The following CDA variants were observed in gnomAD, a reference collection of about 807,000 sequenced individuals.
The protein encoded by CDA is cytidine deaminase, also known as cytidine aminohydrolase.
Under a neutral mutation model 15.0 loss-of-function variants are expected in CDA, and 7 were observed. That is an observed-to-expected ratio of 0.47 (90% CI 0.26 to 0.87). CDA has a LOEUF of 0.87. Among genes scored for constraint, CDA ranks in the 40% least tolerant of loss-of-function variants. CDA has a pLI of 0.15. For missense variants in CDA, 159 were observed against 182.7 expected (o/e 0.87, Z 0.75); for synonymous variants, 58 against 73.0 (o/e 0.79, Z 1.05).
At chr1:20,614,768 T>C (rs1287627420) in intron 3 of CDA, among the ~76,000 whole-genome samples, 6 of 152,134 alleles carry the variant, frequency 3.9e-5, no homozygotes, top group Non-Finnish European at 7.4e-5. Flanking sequence ...AGCAATGGGA[T>C]TGAAGTCAGA....
At chr1:20,599,642 T>TAAAATAAAATAAAATAAAATAAAAC (rs1557547107) in intron 1 of CDA, among the ~76,000 whole-genome samples, 1 of 149,734 alleles carries the variant, frequency 6.7e-6, no homozygotes, top group Non-Finnish European at 1.5e-5. Context: ...TAAAATAAAA[T>TAAAATAAAATAAAATAAAATAAAAC]AAAATAAAAC....
intron 3 of CDA, 27 bp from the exon 4 acceptor site, chr1:20,618,425 C>A (rs1398967915): frequency 2.1e-6 from 3 of 1,403,806 alleles, no homozygotes. Flanking sequence ...CGCTGTGTCT[C>A]TCACGCCAGC....
intron 1 of CDA, among the ~76,000 whole-genome samples, chr1:20,594,704 G>A (rs1432253135): frequency 6.6e-6 from 1 of 150,722 alleles, no homozygotes; most frequent in Admixed American, 6.6e-5. Context: ...CAGGAGAATC[G>A]CTTGAACCTG....
intron 1 of CDA, among the ~76,000 whole-genome samples, chr1:20,602,070 AT>A (rs2052648928): frequency 6.8e-6 from 1 of 146,758 alleles, no homozygotes; most frequent in South Asian, 2.3e-4. Context: ...ACAGTGAGCT[AT>A]GATCATGCCA....
chr1:20,593,228 G>A (rs776593744), intron 1 of CDA, among the ~76,000 whole-genome samples: 26 of 152,230 alleles, frequency 1.7e-4, no homozygotes, highest in Non-Finnish European at 3.1e-4. Context: ...GTGTGCTGGG[G>A]ACGTGCTGGG....
chr1:20,602,511 C>G lies in CDA; in HGVS notation c.155-2417C>G, dbSNP rs558345233. Among the ~76,000 whole-genome samples the G allele has an allele frequency of 8.5e-5, 13 of 152,174 alleles. No individual in the cohort carries two copies. The East Asian group carries it at 2.1e-3, about 25-fold the overall frequency. ...TGATCTCGGCTCACTGCAACCTCTGCCTCCCAGGTTCAAGCAATTCTTCTG... is the reference window on the plus strand; with the variant it reads ...TGATCTCGGCTCACTGCAACCTCTGGCTCCCAGGTTCAAGCAATTCTTCTG... On this transcript the variant is annotated intron_variant, in intron 1 of 3. Coordinates refer to ENST00000375071, the MANE Select transcript of CDA (RefSeq NM_001785.3).
intron 3 of CDA, 57 bp from the exon 4 acceptor site, chr1:20,618,395 C>T (rs894504512): frequency 1.9e-5 from 18 of 933,028 alleles, no homozygotes; most frequent in Non-Finnish European, 3.1e-5. Context: ...AGACCCAGTC[C>T]GTCTCAGCCC....
In CDA at chr1:20,618,677, G is replaced by A; in HGVS notation, c.*109G>A. ...TGGGCCCCAGCCCTACAGGGACTGG[G>A]CAAAGATGATGTTTCCAGATTACAC... On this transcript the variant is annotated 3_prime_UTR_variant, in exon 4 of 4. Transcript: ENST00000375071. 2 of 769,706 alleles carry A rather than the reference G, an allele frequency of 2.6e-6. No homozygotes were observed. Among genetic ancestry groups the A allele is most frequent in the African/African-American group, 1.7e-5 (1 of 58,712 alleles). The allele number at this position is 769,706 out of a possible 1,614,324, so 47.7% of individuals were successfully genotyped here.
chr1:20,604,653 C>T (rs1047202591), intron 1 of CDA, among the ~76,000 whole-genome samples: 2 of 152,144 alleles, frequency 1.3e-5, no homozygotes, highest in Admixed American at 1.3e-4. Flanking sequence ...GCTGCCTAAT[C>T]TGCCTGTTGT....
chr1:20,605,058 T>C lies in CDA; in HGVS notation c.266+19T>C, dbSNP rs1484368883. The C allele has an allele frequency of 3.5e-6, 5 of 1,426,736 alleles. No homozygotes were observed. Among genetic ancestry groups the C allele is most frequent in the Non-Finnish European group, 4.9e-6 (5 of 1,010,490 alleles). The allele number at this position is 1,426,736 out of a possible 1,614,324, so 88.4% of individuals were successfully genotyped here. A position where few individuals can be genotyped will look rare whatever the true frequency, so the allele number is the denominator to read the frequency against. On this transcript the variant is annotated intron_variant, in intron 2 of 3. Coordinates refer to ENST00000375071, the MANE Select transcript of CDA (RefSeq NM_001785.3). ...TCGCCAGGTGAGTGGGAAAGCCAGGTTGCAACAATATTCATTCATCTCTTT... is the reference window on the plus strand; with the variant it reads ...TCGCCAGGTGAGTGGGAAAGCCAGGCTGCAACAATATTCATTCATCTCTTT...
chr1:20,589,331 G>A, intron 1 of CDA, 48 bp downstream of exon 1: 1 of 1,583,886 alleles, frequency 6.3e-7, no homozygotes, highest in Non-Finnish European at 8.7e-7. Flanking sequence ...CCTGGGTGGT[G>A]GGTCAGAGGA....
At chr1:20,589,339 G>A (rs2052527815) in intron 1 of CDA, 56 bp downstream of exon 1, 2 of 1,559,742 alleles carry the variant, frequency 1.3e-6, no homozygotes, top group Admixed American at 1.7e-5. Context: ...GTGGGTCAGA[G>A]GAAGATGTAC....
chr1:20,608,296 C>G (rs1345326095), intron 2 of CDA, among the ~76,000 whole-genome samples: 1 of 148,296 alleles, frequency 6.7e-6, no homozygotes, highest in African/African-American at 2.5e-5. Flanking sequence ...GGCTTCTCAT[C>G]TGTGAAATGG....
chr1:20,618,525 T>C lies in CDA; in HGVS notation c.398T>C (p.Leu133Pro). The C allele has an allele frequency of 6.2e-7, 1 of 1,613,756 alleles. No homozygotes were observed. The stretch of plus-strand genomic sequence containing the variant: ...ATTGTCATGACGGTCCAGGAGCTGC[T>C]GCCCTCCTCCTTTGGGCCTGAGGAC... ...TYIVMTVQEL[L>P]PSSFGPEDLQ... Residue 133 changes from leucine (L) to proline (P), a missense_variant, in exon 4 of 4, where the codon CTG becomes CCG. By Grantham distance (98) the Leu-to-Pro change is moderately conservative. Coordinates refer to ENST00000375071, the MANE Select transcript of CDA (RefSeq NM_001785.3).
intron 1 of CDA, among the ~76,000 whole-genome samples, chr1:20,594,738 G>A (rs1265535949): frequency 6.8e-6 from 1 of 146,488 alleles, no homozygotes; most frequent in African/African-American, 2.5e-5. Flanking sequence ...GCAGTGAGCC[G>A]AGATCACACC....
intron 2 of CDA, among the ~76,000 whole-genome samples, chr1:20,608,152 G>T (rs1056910456): frequency 2.6e-5 from 4 of 152,178 alleles, no homozygotes; most frequent in African/African-American, 9.6e-5. Flanking sequence ...CAGCCAGCAG[G>T]TGCTCAGTCT....
At chr1:20,610,278 TATTTTA>T (rs1557550507) in intron 2 of CDA, among the ~76,000 whole-genome samples, 12 of 147,566 alleles carry the variant, frequency 8.1e-5, no homozygotes, top group Non-Finnish European at 1.4e-4. Flanking sequence ...TTTTTTATTT[TATTTTA>T]TTTTTATTTT....
chr1:20,594,402 A>G (rs2052573919), intron 1 of CDA, among the ~76,000 whole-genome samples: 1 of 151,922 alleles, frequency 6.6e-6, no homozygotes, highest in Non-Finnish European at 1.5e-5. Flanking sequence ...CAGAAAGAGG[A>G]GCTCACTGGT....
At chr1:20,609,411 G>A (rs1274605264) in intron 2 of CDA, among the ~76,000 whole-genome samples, 1 of 152,158 alleles carries the variant, frequency 6.6e-6, no homozygotes, top group African/African-American at 2.4e-5. Context: ...GCGCGAACCT[G>A]GGAGGCAGAG....
Sources: allele counts gnomAD v4.1 joint callset (sites outside exome capture counted in the v4.1 genomes callset), GRCh38; gene constraint gnomAD v4.1.1; transcripts MANE v1.5; gene names NCBI Gene and HGNC (gene_info 2026-07-23, HGNC 2026-07-21).